Variants in CHN2 observed in about 807,000 individuals in gnomAD.
CHN2 encodes chimerin 2.
In CHN2, 35 loss-of-function variants were observed where a neutral mutation model predicts 56.3. That is an observed-to-expected ratio of 0.62 (90% CI 0.47 to 0.82). The LOEUF (loss-of-function observed/expected upper bound fraction) is 0.82, where lower values mean the gene tolerates loss of function less well. Among genes scored for constraint, CHN2 ranks in the 40% least tolerant of loss-of-function variants. CHN2 has a pLI of 0.00. For synonymous variants in CHN2, 210 were observed against 212.8 expected (o/e 0.99, Z 0.12); for missense variants, 491 against 580.5 (o/e 0.85, Z 1.58).
chr7:29,341,705 T>C (rs1797064700), intron 1 of CHN2, among the ~76,000 whole-genome samples: 1 of 152,254 alleles, frequency 6.6e-6, no homozygotes, highest in African/African-American at 2.4e-5. Context: ...GAGTTTTTTC[T>C]AATTCTCTAG....
In CHN2 at chr7:29,504,738, T is replaced by C. The variant is rs1462849379; in HGVS notation, c.914-6T>C. 1.9e-6 allele frequency: 3 copies of C among 1,584,078 alleles called. No homozygotes were observed. In the African/African-American group the frequency reaches 4.0e-5, roughly 21 times the overall value. On this transcript the variant is annotated splice_polypyrimidine_tract_variant and splice_region_variant and intron_variant, in intron 9 of 12. Coordinates refer to ENST00000222792, the MANE Select transcript of CHN2 (RefSeq NM_004067.4). Reference sequence around the variant, plus strand: ...TAAAGTCAGTCTCTCTCTCTCTCTCTAACAGGATTAAAATCGGAAGGCCTT... The same window carrying C: ...TAAAGTCAGTCTCTCTCTCTCTCTCCAACAGGATTAAAATCGGAAGGCCTT...
intron 1 of CHN2, among the ~76,000 whole-genome samples, chr7:29,300,153 G>A (rs997510627): frequency 6.6e-6 from 1 of 152,206 alleles, no homozygotes; most frequent in African/African-American, 2.4e-5. Context: ...CAGCTAGCAG[G>A]AGCTGCCAGA....
intron 1 of CHN2, among the ~76,000 whole-genome samples, chr7:29,245,289 T>C (rs541951749): frequency 1.7e-4 from 26 of 152,324 alleles, no homozygotes; most frequent in Admixed American, 7.8e-4. Flanking sequence ...GTGGACTCTC[T>C]TCAATGTCTA....
intron 9 of CHN2, among the ~76,000 whole-genome samples, chr7:29,503,961 A>C (rs1263663510): frequency 6.6e-6 from 1 of 152,246 alleles, no homozygotes; most frequent in African/African-American, 2.4e-5. Context: ...CTCCAGGGAC[A>C]GAAACCATGT....
At chr7:29,386,072 T>C (rs1800893064) in intron 3 of CHN2, among the ~76,000 whole-genome samples, 1 of 152,194 alleles carries the variant, frequency 6.6e-6, no homozygotes, top group Non-Finnish European at 1.5e-5. Context: ...CAGTGCCCTA[T>C]TCGATTTCCA....
intron 1 of CHN2, among the ~76,000 whole-genome samples, chr7:29,276,075 C>T (rs369050800): frequency 5.3e-5 from 8 of 151,730 alleles, no homozygotes; most frequent in African/African-American, 7.3e-5. Context: ...AAACAAAACA[C>T]GCATGATAGT....
chr7:29,219,604 C>A (rs537540395), intron 1 of CHN2, among the ~76,000 whole-genome samples: 1 of 151,852 alleles, frequency 6.6e-6, no homozygotes, highest in Admixed American at 6.6e-5. Flanking sequence ...TTTTAAGATA[C>A]TTTACTAAGT....
At chr7:29,159,799 AT>A (rs1365781435) in intron 2 of CHN2, among the ~76,000 whole-genome samples, 1 of 152,214 alleles carries the variant, frequency 6.6e-6, no homozygotes, top group Non-Finnish European at 1.5e-5. Flanking sequence ...ACTCATTCTT[AT>A]GCTAGAAAAT....
chr7:29,424,480 G>T (rs926467110), intron 6 of CHN2, among the ~76,000 whole-genome samples: 4 of 152,054 alleles, frequency 2.6e-5, no homozygotes, highest in Admixed American at 6.6e-5. Context: ...ACTTTCGGTG[G>T]CCTCCCCCAA....
rs139180733 is a variant in CHN2 at position 29,367,617 on chromosome 7, A to G, written c.89-315A>G. 3.3e-5 allele frequency among the ~76,000 whole-genome samples: 5 copies of G among 152,324 alleles called. No homozygotes were observed. In the East Asian group the frequency reaches 9.6e-4, roughly 29 times the overall value. The stretch of plus-strand genomic sequence containing the variant: ...TCACAAGTAGAATTTCATCTTTAAA[A>G]TAGTCAAAAGAATTTTAGCCATATT... On this transcript the variant is annotated intron_variant, in intron 2 of 12. Coordinates refer to ENST00000222792, the MANE Select transcript of CHN2 (RefSeq NM_004067.4).
At chr7:29,390,358 C>T (rs536074852) in intron 3 of CHN2, among the ~76,000 whole-genome samples, 100 of 152,252 alleles carry the variant, frequency 6.6e-4, no homozygotes, top group African/African-American at 2.2e-3. Context: ...ATGGCCGATC[C>T]GACAGCCGTC....
chr7:29,363,717 G>A (rs1057068669), intron 2 of CHN2, among the ~76,000 whole-genome samples: 2 of 152,196 alleles, frequency 1.3e-5, no homozygotes, highest in African/African-American at 4.8e-5. Flanking sequence ...CAGAGGGATA[G>A]GGTGGAATTT....
chr7:29,305,146 G>T (rs1213828243), intron 1 of CHN2, among the ~76,000 whole-genome samples: 3 of 152,142 alleles, frequency 2.0e-5, no homozygotes, highest in Non-Finnish European at 4.4e-5. Flanking sequence ...CCTGCACAGA[G>T]GATACGACAG....
At chr7:29,381,874 G>A in intron 3 of CHN2, among the ~76,000 whole-genome samples, 1 of 144,838 alleles carries the variant, frequency 6.9e-6, no homozygotes, top group Non-Finnish European at 1.5e-5. Context: ...TGGTTAGAAG[G>A]ATATGAGGAA....
chr7:29,415,438 A>G (rs1159873225), intron 6 of CHN2, among the ~76,000 whole-genome samples: 3 of 152,196 alleles, frequency 2.0e-5, no homozygotes, highest in Non-Finnish European at 2.9e-5. Context: ...TTTTTGTTCT[A>G]TGCTATTTTG....
At chr7:29,333,444 C>G (rs1373324479) in intron 1 of CHN2, among the ~76,000 whole-genome samples, 2 of 152,164 alleles carry the variant, frequency 1.3e-5, no homozygotes, top group East Asian at 1.9e-4. Context: ...GAGGTACATG[C>G]AGCTAAGAGC....
intron 1 of CHN2, among the ~76,000 whole-genome samples, chr7:29,296,278 T>G (rs1242714959): frequency 6.6e-6 from 1 of 151,996 alleles, no homozygotes; most frequent in Non-Finnish European, 1.5e-5. Flanking sequence ...AGAGATGGGG[T>G]TTCGCCATGT....
chr7:29,264,675 G>C (rs777490284), intron 1 of CHN2, among the ~76,000 whole-genome samples: 2 of 152,090 alleles, frequency 1.3e-5, no homozygotes, highest in East Asian at 1.9e-4. Context: ...CAAACACTGC[G>C]GAAGGCGGCA....
At chr7:29,213,141 AG>A in intron 1 of CHN2, 1 of 1,538,064 alleles carries the variant, frequency 6.5e-7, no homozygotes, top group Non-Finnish European at 8.9e-7. Context: ...GCAAATGACT[AG>A]GTATTTTAGT....
Sources: allele counts gnomAD v4.1 joint callset (sites outside exome capture counted in the v4.1 genomes callset), GRCh38; gene constraint gnomAD v4.1.1; transcripts MANE v1.5; gene names NCBI Gene and HGNC (gene_info 2026-07-23, HGNC 2026-07-21).